The following PDE4D variants were observed in gnomAD, a reference collection of about 807,000 sequenced individuals.
PDE4D encodes the protein 3',5'-cyclic-AMP phosphodiesterase 4D.
A neutral mutation model predicts 87.4 loss-of-function variants in PDE4D; 24 were observed. The observed-to-expected ratio is 0.27, with a 90% CI of 0.20 to 0.39. The LOEUF (loss-of-function observed/expected upper bound fraction) is 0.39, where lower values mean the gene tolerates loss of function less well. Among genes scored for constraint, PDE4D ranks in the 10% least tolerant of loss-of-function variants. The pLI is 1.00. For synonymous variants in PDE4D, 384 were observed against 383.2 expected (o/e 1.00, Z -0.02); for missense variants, 714 against 1,041.0 (o/e 0.69, Z 4.32).
intron 1 of PDE4D, chr5:59,356,646 C>G: frequency 1.3e-6 from 1 of 779,384 alleles, no homozygotes; most frequent in Non-Finnish European, 1.9e-6. Context: ...AATATATTGT[C>G]AATTTAACAA....
At chr5:60,370,166 A>T (rs901051794) in intron 1 of PDE4D, among the ~76,000 whole-genome samples, 4 of 152,134 alleles carry the variant, frequency 2.6e-5, no homozygotes, top group Non-Finnish European at 4.4e-5. Context: ...CAGAGCCTTC[A>T]CAAGGCCAGC....
chr5:59,358,026 TG>T (rs1781656845), intron 1 of PDE4D, among the ~76,000 whole-genome samples: 1 of 152,222 alleles, frequency 6.6e-6, no homozygotes, highest in South Asian at 2.1e-4. Context: ...TCACCATATC[TG>T]CAAATTTTGA....
chr5:59,264,756 G>C (rs560801337), intron 1 of PDE4D, among the ~76,000 whole-genome samples: 12 of 151,972 alleles, frequency 7.9e-5, no homozygotes, highest in Non-Finnish European at 1.8e-4. Flanking sequence ...TAATAAAATA[G>C]TAGATATCAG....
chr5:60,078,559 C>A (rs1773575937), intron 2 of PDE4D, among the ~76,000 whole-genome samples: 1 of 152,126 alleles, frequency 6.6e-6, no homozygotes, highest in African/African-American at 2.4e-5. Context: ...CCAGAACAGG[C>A]CCTGGTGTGT....
chr5:59,219,662 A>G (rs920591043), intron 1 of PDE4D, among the ~76,000 whole-genome samples: 2 of 152,188 alleles, frequency 1.3e-5, no homozygotes, highest in African/African-American at 4.8e-5. Flanking sequence ...AGTTAAGGTA[A>G]TAGAACATCA....
chr5:59,806,014 C>A (rs1263233518), intron 1 of PDE4D, among the ~76,000 whole-genome samples: 1 of 152,202 alleles, frequency 6.6e-6, no homozygotes, highest in Non-Finnish European at 1.5e-5. Flanking sequence ...TCCCTACTAC[C>A]CCTCTTATCC....
At chr5:58,990,509 T>C (rs1187544110) in intron 9 of PDE4D, among the ~76,000 whole-genome samples, 3 of 152,170 alleles carry the variant, frequency 2.0e-5, no homozygotes, top group Non-Finnish European at 4.4e-5. Context: ...GCAGTCAGGT[T>C]CAGATGACTA....
intron 1 of PDE4D, among the ~76,000 whole-genome samples, chr5:59,290,219 C>T (rs961788132): frequency 1.5e-4 from 23 of 151,614 alleles, no homozygotes; most frequent in Admixed American, 5.9e-4. Context: ...AAAGGTATCC[C>T]GAGCAAAAAG....
intron 5 of PDE4D, among the ~76,000 whole-genome samples, chr5:59,074,471 G>A (rs747375802): frequency 1.2e-4 from 18 of 152,002 alleles, no homozygotes; most frequent in South Asian, 2.1e-4. Flanking sequence ...TTTAGAAAGC[G>A]TCTAGGCCAG....
At chr5:59,866,147 CAG>C (rs1309774452) in intron 1 of PDE4D, among the ~76,000 whole-genome samples, 2 of 152,144 alleles carry the variant, frequency 1.3e-5, no homozygotes, top group African/African-American at 4.8e-5. Context: ...TAGAAGTTTT[CAG>C]TAAGCAATGA....
At chr5:59,813,856 C>A (rs1239702091) in intron 1 of PDE4D, among the ~76,000 whole-genome samples, 13 of 152,152 alleles carry the variant, frequency 8.5e-5, no homozygotes, top group African/African-American at 3.1e-4. Flanking sequence ...ATCATCTTGG[C>A]CTCAGGGAGG....
intron 1 of PDE4D, among the ~76,000 whole-genome samples, chr5:60,425,364 T>A (rs1743599487): frequency 2.0e-5 from 3 of 152,148 alleles, no homozygotes; most frequent in Admixed American, 2.0e-4. Context: ...AACAGAGGCC[T>A]CAGAAATAAC....
At chr5:60,296,977 A>G (rs1753458956) in intron 1 of PDE4D, among the ~76,000 whole-genome samples, 1 of 152,080 alleles carries the variant, frequency 6.6e-6, no homozygotes, top group African/African-American at 2.4e-5. Flanking sequence ...GCATTAGGAG[A>G]AATACCTAAT....
At chr5:60,142,931 A>C (rs1333770228) in intron 2 of PDE4D, among the ~76,000 whole-genome samples, 1 of 152,234 alleles carries the variant, frequency 6.6e-6, no homozygotes, top group Non-Finnish European at 1.5e-5. Flanking sequence ...GAAAATTTGC[A>C]GAGGTAGAAT....
chr5:60,413,074 A>G (rs1232346010), intron 1 of PDE4D, among the ~76,000 whole-genome samples: 1 of 152,196 alleles, frequency 6.6e-6, no homozygotes, highest in Non-Finnish European at 1.5e-5. Flanking sequence ...TAACTAAGCT[A>G]TTTAATAAAT....
intron 3 of PDE4D, among the ~76,000 whole-genome samples, chr5:59,971,213 G>C (rs1318270347): frequency 4.4e-5 from 5 of 113,026 alleles, no homozygotes; most frequent in African/African-American, 1.6e-4. Context: ...GTTGTGGGGT[G>C]GGGGGAGGGG....
intron 1 of PDE4D, among the ~76,000 whole-genome samples, chr5:59,302,007 G>A (rs541425540): frequency 2.0e-5 from 3 of 152,228 alleles, no homozygotes; most frequent in African/African-American, 2.4e-5. Context: ...GCCTTCCTTC[G>A]GGGATATGTC....
intron 2 of PDE4D, among the ~76,000 whole-genome samples, chr5:60,041,177 T>C (rs1030372338): frequency 5.9e-5 from 9 of 152,322 alleles, no homozygotes; most frequent in African/African-American, 1.2e-4. Context: ...GATATATAGA[T>C]AGTATATTCA....
At chr5:59,800,177 T>C (rs1187222007) in intron 1 of PDE4D, among the ~76,000 whole-genome samples, 7 of 152,002 alleles carry the variant, frequency 4.6e-5, no homozygotes, top group African/African-American at 1.7e-4. Context: ...GGGGAAACAG[T>C]TTCAGTGCAG....
Sources: allele counts gnomAD v4.1 joint callset (sites outside exome capture counted in the v4.1 genomes callset), GRCh38; gene constraint gnomAD v4.1.1; transcripts MANE v1.5; gene names NCBI Gene and HGNC (gene_info 2026-07-23, HGNC 2026-07-21).